TRIM72: variants seen among roughly 807,000 people sequenced by gnomAD.
The protein encoded by TRIM72 is tripartite motif-containing protein 72.
Under a neutral mutation model 31.6 loss-of-function variants are expected in TRIM72, and 33 were observed. The ratio of observed to expected loss-of-function variants is 1.04; its 90% CI spans 0.79 to 1.40. The LOEUF (loss-of-function observed/expected upper bound fraction) is 1.40, where lower values mean the gene tolerates loss of function less well. Ranked by LOEUF, TRIM72 falls within the 40% of genes most tolerant of loss-of-function variation. TRIM72 has a pLI of 0.00. For synonymous variants in TRIM72, 301 were observed against 314.4 expected (o/e 0.96, Z 0.45); for missense variants, 666 against 682.7 (o/e 0.98, Z 0.27).
chr16:31,222,828 C>A lies in TRIM72; in HGVS notation c.742C>A (p.Leu248Met). ...LMKYCLVTSRLQKILAESPPP... is the reference protein window; with the variant it reads ...LMKYCLVTSRMQKILAESPPP... ...TCCCCTTCCCCTCCCCACCCCCAGG[C>A]TGCAGAAGATCCTGGCAGAGTCTCC... Residue 248 changes from leucine to methionine, a missense_variant and splice_region_variant, in exon 6 of 7, where the codon CTG (leucine) becomes ATG (methionine). Coordinates refer to ENST00000322122, the MANE Select transcript of TRIM72 (RefSeq NM_001008274.4). 2 of 1,284,036 alleles carry A rather than the reference C, an allele frequency of 1.6e-6. No homozygotes were observed. The highest frequency in any genetic ancestry group is 2.1e-6 in the Non-Finnish European group (2 of 956,608). 79.5% of individuals were successfully genotyped at this position (1,284,036 alleles called of 1,614,324 possible).
rs914058540 is a variant in TRIM72 at position 31,215,348 on chromosome 16, A to T, written c.390+220A>T. Among the ~76,000 whole-genome samples the T allele has an allele frequency of 5.3e-5, 8 of 152,156 alleles. No individual in the cohort carries two copies. The highest frequency in any genetic ancestry group is 8.8e-5 in the Non-Finnish European group (6 of 68,026). On this transcript the variant is annotated intron_variant, in intron 2 of 6. Coordinates refer to ENST00000322122, the MANE Select transcript of TRIM72 (RefSeq NM_001008274.4). This position sits in a 1 kb window ranked among gnomAD's most constrained non-coding sequence, Gnocchi z 6.3. ...CCGCGCAGGGATGGAGCCTGGCGAT[A>T]AGGGCGCTGAGCAAACGTAGGTTTC...
chr16:31,223,544 G>T (rs2079542681), intron 6 of TRIM72, among the ~76,000 whole-genome samples: 1 of 152,164 alleles, frequency 6.6e-6, no homozygotes, highest in Admixed American at 6.5e-5. Context: ...TGAAGATCAG[G>T]CTCCTTGACC....
chr16:31,220,062 C>CT (rs953862443), intron 4 of TRIM72, among the ~76,000 whole-genome samples: 8 of 138,880 alleles, frequency 5.8e-5, no homozygotes, highest in Non-Finnish European at 1.1e-4. Context: ...CGCGCCTGGT[C>CT]TTTTTTTTAA....
Position 31,214,810 on chromosome 16 carries a change from C to A in TRIM72, c.72C>A (p.Pro24=). 1 of 1,573,702 alleles carries A rather than the reference C, an allele frequency of 6.4e-7. No homozygotes were observed. Among genetic ancestry groups the A allele is most frequent in the South Asian group, 1.1e-5 (1 of 88,036 alleles). Residue 24 remains proline (P), a synonymous_variant, in exon 2 of 7, where the codon CCC becomes CCA. Coordinates refer to ENST00000322122, the MANE Select transcript of TRIM72 (RefSeq NM_001008274.4). ...TGTGCCTGCAGCTGTTCGACGCGCC[C>A]GTGACAGCCGAGTGCGGCCACAGTT... ...CPLCLQLFDA[P]VTAECGHSFC... is the part of the protein sequence containing the mutation.
intron 2 of TRIM72, among the ~76,000 whole-genome samples, chr16:31,217,583 A>G (rs928008767): frequency 1.3e-5 from 2 of 150,308 alleles, no homozygotes; most frequent in African/African-American, 2.4e-5. Context: ...GGTAAGATCT[A>G]GACCACAGAA....
At position 31,231,300 on chromosome 16, in the gene TRIM72, AG is replaced by A. The variant is rs1305150962; in HGVS notation, c.*6547del. 1 of 152,122 alleles carries A rather than the reference AG, an allele frequency of 6.6e-6. No homozygotes were observed. Among genetic ancestry groups the A allele is most frequent in the Non-Finnish European group, 1.5e-5 (1 of 68,086 alleles). 9.4% of individuals were successfully genotyped at this position (152,122 alleles called of 1,614,324 possible). ...CGGCCTCCCAAAGTGCTGGGATTAC[AG>A]GCGTGAGCCACCGCGTCCGGCTTAG... On this transcript the variant is annotated 3_prime_UTR_variant, in exon 7 of 7. Transcript: ENST00000322122.
rs979659476 is a variant in TRIM72, at chr16:31,215,630, C to A, written c.390+502C>A. Reference sequence around the variant, plus strand: ...TTGTGCTCAGCGGAGGCCCACGCACCCCTGAAGCTGCGGAACTTGGGCTGG... The same window carrying A: ...TTGTGCTCAGCGGAGGCCCACGCACACCTGAAGCTGCGGAACTTGGGCTGG... On this transcript the variant is annotated intron_variant, in intron 2 of 6. Coordinates refer to ENST00000322122, the MANE Select transcript of TRIM72 (RefSeq NM_001008274.4). This position sits in a 1 kb window ranked among gnomAD's most constrained non-coding sequence, Gnocchi z 6.3. 2.1e-4 allele frequency among the ~76,000 whole-genome samples: 32 copies of A among 152,202 alleles called. No individual in the cohort carries two copies. The highest frequency in any genetic ancestry group is 3.8e-4 in the Non-Finnish European group (26 of 68,034).
At chr16:31,218,905 A>C (rs2079521075) in intron 2 of TRIM72, among the ~76,000 whole-genome samples, 190 bp from the exon 3 acceptor site, 1 of 152,178 alleles carries the variant, frequency 6.6e-6, no homozygotes, top group South Asian at 2.1e-4. Context: ...GACAAGGGGC[A>C]GGGGAAGCAT....
intron 5 of TRIM72, among the ~76,000 whole-genome samples, chr16:31,221,878 A>G (rs1298829824): frequency 1.1e-4 from 13 of 120,998 alleles, no homozygotes; most frequent in African/African-American, 1.9e-4. Context: ...ATTGCAGGGA[A>G]AAGGGCGTTG....
chr16:31,216,902 C>T lies in TRIM72; in HGVS notation c.390+1774C>T. Reference sequence around the variant, plus strand: ...TCCACGATATCTAGCTGCCCGAGCGCGCCCCGCGGGATGCGCTCAAAGCCC... The same window carrying T: ...TCCACGATATCTAGCTGCCCGAGCGTGCCCCGCGGGATGCGCTCAAAGCCC... On this transcript the variant is annotated intron_variant, in intron 2 of 6. Transcript: ENST00000322122. The surrounding 1 kb of genome is among the most constrained non-coding windows in gnomAD (Gnocchi z 6.7). The T allele has an allele frequency of 6.2e-7, 1 of 1,613,948 alleles. No individual in the cohort carries two copies. The highest frequency in any genetic ancestry group is 8.5e-7 in the Non-Finnish European group (1 of 1,180,024).
At chr16:31,221,935 C>T (rs1193825708) in intron 5 of TRIM72, among the ~76,000 whole-genome samples, 1 of 150,840 alleles carries the variant, frequency 6.6e-6, no homozygotes, top group Non-Finnish European at 1.5e-5. Context: ...GGGAGAAGGG[C>T]ATTGCTGGGA....
chr16:31,217,333 C>A, intron 2 of TRIM72: 1 of 362,588 alleles, frequency 2.8e-6, no homozygotes, highest in African/African-American at 2.1e-5. Flanking sequence ...CATGGTCAGG[C>A]ACCTCCCAGC....
chr16:31,220,763 G>C (rs138076808), intron 4 of TRIM72, 133 bp from the exon 5 acceptor site: 398 of 1,220,858 alleles, frequency 3.3e-4, no homozygotes, highest in Middle Eastern at 5.6e-4. Context: ...GAGCCACCTC[G>C]TCTGGCCTCT....
chr16:31,221,994 C>T (rs753119670), intron 5 of TRIM72, among the ~76,000 whole-genome samples: 12 of 152,032 alleles, frequency 7.9e-5, no homozygotes, highest in Admixed American at 2.0e-4. Flanking sequence ...GGACAGCCAG[C>T]GAGAGGGCTG....
intron 5 of TRIM72, among the ~76,000 whole-genome samples, chr16:31,222,316 T>C (rs2079537454): frequency 1.4e-5 from 2 of 146,740 alleles, no homozygotes; most frequent in Admixed American, 7.0e-5. Context: ...TTGCTTGAAC[T>C]GGGGAGGCAG....
chr16:31,229,932 A>T lies in TRIM72; in HGVS notation c.*5177A>T, dbSNP rs2079565062. On this transcript the variant is annotated 3_prime_UTR_variant, in exon 7 of 7. Transcript: ENST00000322122. ...GTGAAACCCCATCTTTACTAAAAATACAAAAATTAGCCAGGCATGGTGGTG... is the reference window on the plus strand; with the variant it reads ...GTGAAACCCCATCTTTACTAAAAATTCAAAAATTAGCCAGGCATGGTGGTG... 6.6e-6 allele frequency: 1 copy of T among 152,196 alleles called. No individual in the cohort carries two copies. The highest frequency in any genetic ancestry group is 1.5e-5 in the Non-Finnish European group (1 of 68,060). The allele number at this position is 152,196 out of a possible 1,614,324, so 9.4% of individuals were successfully genotyped here.
chr16:31,219,259 A>G lies in TRIM72; in HGVS notation c.487-30A>G, dbSNP rs201971688. 162 of 1,614,120 alleles carry G rather than the reference A, an allele frequency of 1.0e-4. 1 individual carries two copies. The African/African-American group carries it at 1.8e-3, about 18-fold the overall frequency. ...TAGGGGTCTCCAGCCAAGAGTCTTT[A>G]TCCCTTCAATCACTGCCCCATCCCT... On this transcript the variant is annotated intron_variant, in intron 3 of 6. Coordinates refer to ENST00000322122, the MANE Select transcript of TRIM72 (RefSeq NM_001008274.4). The surrounding 1 kb of genome is among the most constrained non-coding windows in gnomAD (Gnocchi z 4.2).
chr16:31,214,728 C>G lies in TRIM72; in HGVS notation c.-7-4C>G, dbSNP rs1156459174. The G allele has an allele frequency of 6.4e-7, 1 of 1,561,974 alleles. No individual in the cohort carries two copies. Among genetic ancestry groups the G allele is most frequent in the African/African-American group, 1.4e-5 (1 of 70,806 alleles). On this transcript the variant is annotated splice_polypyrimidine_tract_variant and splice_region_variant and intron_variant, in intron 1 of 6. Coordinates refer to ENST00000322122, the MANE Select transcript of TRIM72 (RefSeq NM_001008274.4). ...TCCCCCTAACCTACTCCTCCTCCAC[C>G]CAGGCCCGCCATGTCGGCTGCGCCC...
intron 2 of TRIM72, chr16:31,217,035 G>A (rs1391685473): frequency 6.2e-7 from 1 of 1,606,686 alleles, no homozygotes; most frequent in African/African-American, 1.3e-5. Context: ...CCATGGCTCA[G>A]CCCTGCGCCT....
Sources: gnomAD v4.1 joint callset for allele counts (sites outside exome capture counted in the v4.1 genomes callset) on GRCh38, gnomAD v4.1.1 for gene constraint, Gnocchi (gnomAD v3.1) non-coding constraint, MANE v1.5 for transcripts, NCBI Gene and HGNC (gene_info 2026-07-23, HGNC 2026-07-21) for gene names.